Variants in EYS observed in about 807,000 individuals in gnomAD.
EYS encodes EGF-like photoreceptor maintenance factor, also known as protein eyes shut homolog.
Under a neutral mutation model 282.1 loss-of-function variants are expected in EYS, and 250 were observed. The ratio of observed to expected loss-of-function variants is 0.89; its 90% CI spans 0.80 to 0.98. EYS has a LOEUF of 0.98. Ranked by LOEUF, EYS falls within the 50% of genes least tolerant of loss-of-function variation. EYS has a pLI of 0.00. For missense variants in EYS, 4,016 were observed against 3,709.0 expected (o/e 1.08, Z -2.15); for synonymous variants, 1,355 against 1,282.9 (o/e 1.06, Z -1.20).
chr6:65,686,385 C>T (rs1769015031), intron 1 of EYS, among the ~76,000 whole-genome samples: 2 of 151,984 alleles, frequency 1.3e-5, no homozygotes, highest in African/African-American at 4.8e-5. Flanking sequence ...ATTACAATGC[C>T]ATTTTTTAGT....
chr6:64,502,969 T>G (rs770105139), intron 26 of EYS, among the ~76,000 whole-genome samples: 1 of 152,224 alleles, frequency 6.6e-6, no homozygotes, highest in African/African-American at 2.4e-5. Context: ...AACGAACTGA[T>G]AGTTTTTAGA....
intron 15 of EYS, among the ~76,000 whole-genome samples, chr6:64,915,772 G>T (rs1019143422): frequency 6.6e-6 from 1 of 152,074 alleles, no homozygotes; most frequent in Non-Finnish European, 1.5e-5. Context: ...ATAAAGCTTT[G>T]AAATATGTAG....
intron 30 of EYS, among the ~76,000 whole-genome samples, chr6:64,253,218 TAATAA>T (rs1210057068): frequency 1.3e-5 from 2 of 152,176 alleles, no homozygotes; most frequent in Non-Finnish European, 1.5e-5. Flanking sequence ...AACAACATTT[TAATAA>T]AATATTCTGT....
chr6:65,086,027 CT>C (rs35717731), intron 12 of EYS, among the ~76,000 whole-genome samples: 29,352 of 137,402 alleles, frequency 0.21, 3,291 homozygotes, highest in South Asian at 0.28. Flanking sequence ...ACCTTCTCCT[CT>C]TTTTTTTTTT....
At chr6:64,404,141 G>C (rs1408805093) in intron 28 of EYS, among the ~76,000 whole-genome samples, 1 of 151,890 alleles carries the variant, frequency 6.6e-6, no homozygotes, top group African/African-American at 2.4e-5. Context: ...TATTATAGTT[G>C]GGCATTTTTA....
chr6:64,851,921 T>A (rs1765899112), intron 19 of EYS, among the ~76,000 whole-genome samples: 1 of 152,182 alleles, frequency 6.6e-6, no homozygotes, highest in South Asian at 2.1e-4. Flanking sequence ...GAAACCCCCA[T>A]GAATAAGTTT....
At chr6:64,133,355 T>G (rs913347486) in intron 31 of EYS, among the ~76,000 whole-genome samples, 1 of 152,042 alleles carries the variant, frequency 6.6e-6, no homozygotes. Flanking sequence ...TTCAGCTTTT[T>G]CATCTGATAT....
chr6:63,752,581 C>T (rs1438694540), intron 41 of EYS, among the ~76,000 whole-genome samples: 2 of 151,396 alleles, frequency 1.3e-5, no homozygotes, highest in Non-Finnish European at 2.9e-5. Context: ...CAAGCTCTGC[C>T]TCCCAGGTTC....
chr6:64,467,816 A>G lies in EYS; in HGVS notation c.5645-28464T>C, dbSNP rs1032191530. On this transcript the variant is annotated intron_variant, in intron 26 of 42. Transcript: ENST00000503581. ...TGGCACCTGCATGCACCTTTTGGGGACCCAGGGATCAGCCTACTCAGCTTG... is the reference window on the plus strand; with the variant it reads ...TGGCACCTGCATGCACCTTTTGGGGGCCCAGGGATCAGCCTACTCAGCTTG... Among the ~76,000 whole-genome samples, 4 of 152,098 alleles carry G rather than the reference A, an allele frequency of 2.6e-5. No homozygotes were observed. In the South Asian group the frequency reaches 8.3e-4, roughly 32 times the overall value.
intron 41 of EYS, among the ~76,000 whole-genome samples, chr6:63,750,518 C>T (rs535887396): frequency 1.3e-5 from 2 of 152,272 alleles, no homozygotes; most frequent in South Asian, 4.1e-4. Context: ...CCTTTGTTTC[C>T]AGTGGCTTCT....
intron 33 of EYS, among the ~76,000 whole-genome samples, chr6:64,036,579 A>G (rs1770132171): frequency 6.6e-6 from 1 of 152,206 alleles, no homozygotes; most frequent in Non-Finnish European, 1.5e-5. Context: ...TACAGACATC[A>G]CGCAGGTGAA....
chr6:65,386,784 A>G (rs886880500), intron 7 of EYS, among the ~76,000 whole-genome samples: 1 of 151,954 alleles, frequency 6.6e-6, no homozygotes, highest in Non-Finnish European at 1.5e-5. Context: ...ATTGTTTTAA[A>G]TACAGGGGGA....
rs1771074500 is a variant in EYS at position 64,340,839 on chromosome 6, A to G, written c.6079-33757T>C. On this transcript the variant is annotated intron_variant, in intron 29 of 42. Coordinates refer to ENST00000503581, the MANE Select transcript of EYS (RefSeq NM_001142800.2). ...CATCTGACAATGGTCTAATATCCAG[A>G]ATCTATCAATAACTTAAAGAAATCA... 2.0e-5 allele frequency among the ~76,000 whole-genome samples: 3 copies of G among 151,940 alleles called. No homozygotes were observed. The South Asian group carries it at 6.2e-4, about 31-fold the overall frequency.
At chr6:65,227,481 T>C (rs580822) in intron 12 of EYS, among the ~76,000 whole-genome samples, 3,266 of 152,220 alleles carry the variant, frequency 0.021, 105 homozygotes, top group African/African-American at 0.075. Flanking sequence ...ATAAAGCCAC[T>C]GTAGAAAATG....
intron 2 of EYS, among the ~76,000 whole-genome samples, chr6:65,550,199 T>A (rs1463324740): frequency 3.3e-4 from 3 of 8,998 alleles, no homozygotes; most frequent in Non-Finnish European, 4.4e-4. Context: ...GATAAGACCA[T>A]CTTTATTTCC....
At chr6:64,680,795 C>T (rs796727431) in intron 22 of EYS, among the ~76,000 whole-genome samples, 4 of 152,250 alleles carry the variant, frequency 2.6e-5, no homozygotes, top group African/African-American at 7.2e-5. Context: ...CTCACCTTCA[C>T]GCAGGGCCTG....
chr6:64,435,295 C>T (rs1774705374), intron 28 of EYS, among the ~76,000 whole-genome samples: 1 of 151,692 alleles, frequency 6.6e-6, no homozygotes, highest in Non-Finnish European at 1.5e-5. Flanking sequence ...TTTGATGATA[C>T]ATTATTTTTT....
intron 2 of EYS, among the ~76,000 whole-genome samples, chr6:65,588,716 C>A (rs1023404499): frequency 6.6e-6 from 1 of 152,024 alleles, no homozygotes; most frequent in African/African-American, 2.4e-5. Flanking sequence ...GCTACATTGA[C>A]ACATTTGTAT....
intron 1 of EYS, among the ~76,000 whole-genome samples, chr6:65,694,073 G>A (rs1279323620): frequency 6.7e-6 from 1 of 150,132 alleles, no homozygotes; most frequent in African/African-American, 2.4e-5. Context: ...GAACATGATT[G>A]TTTAAAAATT....
Sources: allele counts gnomAD v4.1 joint callset (sites outside exome capture counted in the v4.1 genomes callset), GRCh38; gene constraint gnomAD v4.1.1; transcripts MANE v1.5; gene names NCBI Gene and HGNC (gene_info 2026-07-23, HGNC 2026-07-21).